The following SEC14L1 variants were observed in gnomAD, a reference collection of about 807,000 sequenced individuals.
The protein encoded by SEC14L1 is SEC14-like protein 1.
Under a neutral mutation model 85.3 loss-of-function variants are expected in SEC14L1, and 48 were observed. The observed-to-expected ratio is 0.56, with a 90% confidence interval of 0.45 to 0.72. The LOEUF (loss-of-function observed/expected upper bound fraction) is 0.72. Among genes scored for constraint, SEC14L1 ranks in the 30% least tolerant of loss-of-function variants. The pLI is 0.00. For missense variants in SEC14L1, 682 were observed against 921.4 expected, an observed-to-expected ratio of 0.74 and a Z score of 3.36; for synonymous variants, 391 against 355.5, an observed-to-expected ratio of 1.10 and a Z score of -1.12.
intron 2 of SEC14L1, among the ~76,000 whole-genome samples, chr17:77,091,018 G>A (rs1453923086): frequency 6.6e-6 from 1 of 151,592 alleles, no homozygotes; most frequent in African/African-American, 2.4e-5. Context: ...AGGGCCTTGC[G>A]GCTCAGGCGA....
At chr17:77,110,316 C>T (rs1380337639) in intron 3 of SEC14L1, among the ~76,000 whole-genome samples, 2 of 152,190 alleles carry the variant, frequency 1.3e-5, no homozygotes, top group Admixed American at 6.6e-5. Flanking sequence ...GGTCACTGTC[C>T]TCAGCCTCCC....
intron 3 of SEC14L1, among the ~76,000 whole-genome samples, chr17:77,157,794 G>A (rs1209329537): frequency 6.6e-6 from 1 of 152,124 alleles, no homozygotes; most frequent in Non-Finnish European, 1.5e-5. Context: ...CCAAAGTATT[G>A]GGATTACAGG....
chr17:77,108,979 C>T (rs1971988262), intron 3 of SEC14L1, among the ~76,000 whole-genome samples: 1 of 152,032 alleles, frequency 6.6e-6, no homozygotes, highest in Non-Finnish European at 1.5e-5. Flanking sequence ...CCAGCCACCA[C>T]ACCAGCTAAT....
chr17:77,187,011 A>C (rs1975295308), intron 3 of SEC14L1, among the ~76,000 whole-genome samples: 1 of 152,156 alleles, frequency 6.6e-6, no homozygotes, highest in African/African-American at 2.4e-5. Context: ...TCAAATTTGG[A>C]AGTTCAAAGT....
At position 77,176,964 on chromosome 17, in the gene SEC14L1, A is replaced by G. The variant is rs773754598; in HGVS notation, c.64-13839A>G. On this transcript the variant is annotated intron_variant, in intron 3 of 16. Coordinates refer to ENST00000436233, the MANE Select transcript of SEC14L1 (RefSeq NM_001143998.2). ...CATGTCTTTGGATTTTGACGATGCA[A>G]CTTTACACATCCTTAGAAATCCTTC... is the stretch of plus-strand genomic sequence containing the variant. 7.2e-4 allele frequency among the ~76,000 whole-genome samples: 110 copies of G among 152,230 alleles called. 2 individuals are homozygous for G. Among genetic ancestry groups the G allele is most frequent in the Non-Finnish European group, 2.1e-4 (14 of 68,040 alleles).
At chr17:77,186,893 T>C (rs1275458392) in intron 3 of SEC14L1, among the ~76,000 whole-genome samples, 1 of 152,222 alleles carries the variant, frequency 6.6e-6, no homozygotes, top group Admixed American at 6.5e-5. Context: ...TTCATTAATA[T>C]TTTTAACACC....
At chr17:77,192,001 T>C (rs1289434802) in intron 5 of SEC14L1, among the ~76,000 whole-genome samples, 2 of 151,910 alleles carry the variant, frequency 1.3e-5, no homozygotes, top group Non-Finnish European at 2.9e-5. Flanking sequence ...TTCACCATGT[T>C]GGCCAGGCTG....
chr17:77,148,061 G>A (rs576148934), intron 3 of SEC14L1, among the ~76,000 whole-genome samples: 1 of 148,626 alleles, frequency 6.7e-6, no homozygotes, highest in East Asian at 1.9e-4. Context: ...GAGTTGAAGT[G>A]TTTCTTTTTG....
chr17:77,096,623 A>C (rs1971655157), intron 3 of SEC14L1, among the ~76,000 whole-genome samples: 1 of 152,116 alleles, frequency 6.6e-6, no homozygotes, highest in South Asian at 2.1e-4. Context: ...AGAACAGTTA[A>C]GTCAAGATTT....
At chr17:77,108,805 A>AAT (rs369588470) in intron 3 of SEC14L1, among the ~76,000 whole-genome samples, 42 of 131,670 alleles carry the variant, frequency 3.2e-4, no homozygotes, top group East Asian at 1.5e-3. Flanking sequence ...AAAAAAAAAA[A>AAT]GAATGTATAT....
upstream of SEC14L1, among the ~76,000 whole-genome samples, chr17:77,137,200 C>T (rs1252943235): frequency 3.9e-5 from 6 of 152,280 alleles, no homozygotes; most frequent in African/African-American, 7.2e-5. Context: ...TGAGCCACCA[C>T]GCTCAGCCAC....
intron 3 of SEC14L1, among the ~76,000 whole-genome samples, chr17:77,188,628 A>C (rs1053430102): frequency 6.6e-6 from 1 of 152,156 alleles, no homozygotes; most frequent in Non-Finnish European, 1.5e-5. Flanking sequence ...TTTTGTGCGA[A>C]CATAAGCTCT....
At chr17:77,163,332 C>CT (rs1289199661) in intron 3 of SEC14L1, among the ~76,000 whole-genome samples, 4 of 152,246 alleles carry the variant, frequency 2.6e-5, no homozygotes, top group African/African-American at 9.6e-5. Flanking sequence ...CCTGCTGTAA[C>CT]TTTAAGACCA....
At chr17:77,194,652 C>T in intron 6 of SEC14L1, 25 bp from the exon 7 acceptor site, 1 of 1,574,332 alleles carries the variant, frequency 6.4e-7, no homozygotes, top group South Asian at 1.1e-5. Flanking sequence ...TATATACTCA[C>T]CTTTAAATTG....
chr17:77,197,549 A>G (rs1598384322), intron 8 of SEC14L1, among the ~76,000 whole-genome samples: 2 of 152,010 alleles, frequency 1.3e-5, no homozygotes, highest in East Asian at 1.9e-4. Context: ...AATCTTTCTA[A>G]TGAGTTGGCA....
At chr17:77,103,764 C>T (rs1238292987) in intron 3 of SEC14L1, among the ~76,000 whole-genome samples, 1 of 33,396 alleles carries the variant, frequency 3.0e-5, no homozygotes, top group African/African-American at 1.9e-4. Flanking sequence ...TTCCAATAGT[C>T]TCTCCTCCTA....
rs1456465217 is a variant in SEC14L1 at position 77,216,136 on chromosome 17, A to C, written c.*2113A>C. ...GTAGGTAGGGTTAGTAGGTAGGGCT[A>C]GTAGGTAGGGTTCGTAGGTAGGGTT... On this transcript the variant is annotated 3_prime_UTR_variant, in exon 17 of 17. Transcript: ENST00000436233. 6.1e-6 allele frequency: 6 copies of C among 982,564 alleles called. No individual in the cohort carries two copies. The highest frequency in any genetic ancestry group is 2.3e-5 in the African/African-American group (1 of 43,874). The allele number at this position is 982,564 out of a possible 1,614,324, so 60.9% of individuals were successfully genotyped here. A position where few individuals can be genotyped will look rare whatever the true frequency, so the allele number is the denominator to read the frequency against.
intron 9 of SEC14L1, among the ~76,000 whole-genome samples, chr17:77,202,936 TAAAAA>T (rs11349959): frequency 1.5e-5 from 2 of 133,944 alleles, no homozygotes; most frequent in African/African-American, 2.8e-5. Flanking sequence ...AATAAAAAAA[TAAAAA>T]AAAAAAAAAA....
chr17:77,143,686 C>T, intron 3 of SEC14L1, 27 bp downstream of exon 3: 1 of 1,499,468 alleles, frequency 6.7e-7, no homozygotes, highest in Non-Finnish European at 9.3e-7. Context: ...TCAATTTACT[C>T]TTTGGCTTCT....
Sources: allele counts gnomAD v4.1 joint callset (sites outside exome capture counted in the v4.1 genomes callset), GRCh38; gene constraint gnomAD v4.1.1; transcripts MANE v1.5; gene names NCBI Gene and HGNC (gene_info 2026-07-23, HGNC 2026-07-21).